The following ZMYM2 variants were observed in gnomAD, a reference collection of about 807,000 sequenced individuals.
ZMYM2 encodes zinc finger MYM-type containing 2.
A neutral mutation model predicts 162.8 loss-of-function variants in ZMYM2; 56 were observed. The observed-to-expected ratio is 0.34, with a 90% confidence interval of 0.28 to 0.43. The LOEUF is 0.43. Among genes scored for constraint, ZMYM2 ranks in the 20% least tolerant of loss-of-function variants. The pLI, the probability that ZMYM2 is intolerant of heterozygous loss-of-function variation, is 1.00. For missense variants in ZMYM2, 1,275 were observed against 1,621.8 expected (o/e 0.79, Z 3.67); for synonymous variants, 510 against 541.6 (o/e 0.94, Z 0.81).
chr13:20,033,688 A>T (rs573933444), intron 10 of ZMYM2, among the ~76,000 whole-genome samples: 1 of 152,168 alleles, frequency 6.6e-6, no homozygotes, highest in South Asian at 2.1e-4. Flanking sequence ...AGCTCTGGCT[A>T]TTGTGGGTTT....
chr13:20,042,707 T>C (rs1954373592), intron 12 of ZMYM2, among the ~76,000 whole-genome samples: 1 of 151,496 alleles, frequency 6.6e-6, no homozygotes, highest in Non-Finnish European at 1.5e-5. Flanking sequence ...TGCTGACCTT[T>C]GCTTTTTATT....
At chr13:20,014,991 CCT>C (rs1216217277) in intron 6 of ZMYM2, among the ~76,000 whole-genome samples, 12 of 151,996 alleles carry the variant, frequency 7.9e-5, no homozygotes, top group Admixed American at 6.6e-4. Context: ...GAACTCCTGA[CCT>C]CAGGTGATCT....
At chr13:20,040,336 A>G (rs957064682) in intron 12 of ZMYM2, among the ~76,000 whole-genome samples, 8 of 152,038 alleles carry the variant, frequency 5.3e-5, no homozygotes, top group Admixed American at 1.3e-4. Context: ...GTGTCCAGGA[A>G]TTTGTCCATT....
the ZMYM2 span, among the ~76,000 whole-genome samples, chr13:19,880,868 T>C: frequency 1.2e-4 from 18 of 152,148 alleles, no homozygotes; most frequent in Non-Finnish European, 2.2e-4. Context: ...CAAGGAATCT[T>C]AAAGTTTTTT....
rs970442922 is a variant in ZMYM2, at chr13:19,982,963, C to A, written c.-10-10100C>A. ...AAACCCTTACTGTAGGTTTAGTTGACCTTTGGATGGAAGCAAAATTTTATG... is the reference window on the plus strand; with the variant it reads ...AAACCCTTACTGTAGGTTTAGTTGAACTTTGGATGGAAGCAAAATTTTATG... On this transcript the variant is annotated intron_variant, in intron 2 of 24. Coordinates refer to ENST00000610343, the MANE Select transcript of ZMYM2 (RefSeq NM_197968.4). 2.0e-5 allele frequency among the ~76,000 whole-genome samples: 3 copies of A among 152,004 alleles called. No homozygotes were observed. The South Asian group carries it at 6.2e-4, about 32-fold the overall frequency.
the ZMYM2 span, among the ~76,000 whole-genome samples, chr13:19,883,924 T>C: frequency 6.6e-6 from 1 of 152,196 alleles, no homozygotes; most frequent in Admixed American, 6.5e-5. Context: ...ATCTGGCTAA[T>C]TTCTGTATTT....
At chr13:19,934,360 A>G in the ZMYM2 span, among the ~76,000 whole-genome samples, 5 of 152,196 alleles carry the variant, frequency 3.3e-5, no homozygotes, top group African/African-American at 1.2e-4. Flanking sequence ...GGGGTTACCC[A>G]TATTGGTCAG....
At chr13:20,039,738 A>G (rs1268252538) in intron 12 of ZMYM2, among the ~76,000 whole-genome samples, 2 of 152,288 alleles carry the variant, frequency 1.3e-5, no homozygotes, top group East Asian at 1.9e-4. Context: ...AGCCTCCTAA[A>G]GTGCTGGGAT....
intron 21 of ZMYM2, among the ~76,000 whole-genome samples, chr13:20,081,496 T>TA (rs552977971): frequency 6.0e-4 from 91 of 152,272 alleles, no homozygotes; most frequent in African/African-American, 2.1e-3. Context: ...GAATTAGGAA[T>TA]ATAGAGACAA....
At chr13:19,911,197 T>C in the ZMYM2 span, among the ~76,000 whole-genome samples, 7 of 151,884 alleles carry the variant, frequency 4.6e-5, no homozygotes, top group Admixed American at 3.3e-4. Context: ...GCTGAAAATA[T>C]AGGCATGCAC....
upstream of ZMYM2, among the ~76,000 whole-genome samples, chr13:19,957,508 G>T (rs955877991): frequency 6.6e-6 from 1 of 152,150 alleles, no homozygotes; most frequent in African/African-American, 2.4e-5. Context: ...TGTAGACGAG[G>T]AACAAAAGAG....
At chr13:19,971,262 A>ATATATTTTTT (rs1329532735) in intron 2 of ZMYM2, among the ~76,000 whole-genome samples, 1 of 78,330 alleles carries the variant, frequency 1.3e-5, no homozygotes, top group African/African-American at 4.6e-5. Context: ...ATATATATAT[A>ATATATTTTTT]TTTTTTTTTT....
the ZMYM2 span, among the ~76,000 whole-genome samples, chr13:19,950,964 A>T: frequency 1.3e-5 from 2 of 152,232 alleles, no homozygotes; most frequent in Non-Finnish European, 2.9e-5. Flanking sequence ...CTTTGAATGC[A>T]TGTGGTCCAA....
chr13:19,899,527 T>TAG, the ZMYM2 span, among the ~76,000 whole-genome samples: 2 of 151,470 alleles, frequency 1.3e-5, no homozygotes, highest in Non-Finnish European at 2.9e-5. Flanking sequence ...AGAAAAGCAG[T>TAG]AGAGGAAAGG....
chr13:19,921,690 A>G, the ZMYM2 span, among the ~76,000 whole-genome samples: 1 of 152,174 alleles, frequency 6.6e-6, no homozygotes, highest in Non-Finnish European at 1.5e-5. Context: ...TGGTTCTTCA[A>G]ATAACTTTAA....
chr13:20,067,521 C>T, intron 21 of ZMYM2, 131 bp downstream of exon 21: 1 of 914,080 alleles, frequency 1.1e-6, no homozygotes, highest in Admixed American at 3.1e-5. Flanking sequence ...ATGTTTGCTG[C>T]CATTTATATA....
intron 21 of ZMYM2, among the ~76,000 whole-genome samples, chr13:20,075,296 G>C (rs1301498006): frequency 6.6e-6 from 1 of 152,084 alleles, no homozygotes; most frequent in Non-Finnish European, 1.5e-5. Flanking sequence ...TTTTTTGTAA[G>C]GACTAAGTCT....
chr13:19,964,979 T>G (rs1323018749), intron 2 of ZMYM2, among the ~76,000 whole-genome samples: 2 of 151,966 alleles, frequency 1.3e-5, no homozygotes, highest in African/African-American at 4.8e-5. Flanking sequence ...TTAGGTTGGA[T>G]AAGAAAAATA....
At chr13:19,924,383 A>G in the ZMYM2 span, among the ~76,000 whole-genome samples, 1 of 151,994 alleles carries the variant, frequency 6.6e-6, no homozygotes, top group Non-Finnish European at 1.5e-5. Flanking sequence ...GGGGCAACAT[A>G]GTGAGACCTC....
Sources: gnomAD v4.1 joint callset for allele counts (sites outside exome capture counted in the v4.1 genomes callset) on GRCh38, gnomAD v4.1.1 for gene constraint, MANE v1.5 for transcripts, NCBI Gene and HGNC (gene_info 2026-07-23, HGNC 2026-07-21) for gene names.